The following USP15 variants were observed in gnomAD, a reference collection of about 807,000 sequenced individuals.
USP15 encodes ubiquitin specific peptidase 15, also known as ubiquitin carboxyl-terminal hydrolase 15.
Under a neutral mutation model 127.1 loss-of-function variants are expected in USP15, and 18 were observed. That is an observed-to-expected ratio of 0.14 (90% confidence interval 0.10 to 0.21). The LOEUF is 0.21. USP15 is among the 10% of genes least tolerant of loss of function. USP15 has a pLI of 1.00. For synonymous variants in USP15, 364 were observed against 393.7 expected (o/e 0.92, Z 0.89); for missense variants, 805 against 1,159.9 (o/e 0.69, Z 4.44).
chr12:62,394,136 T>C (rs1162996773), intron 19 of USP15, among the ~76,000 whole-genome samples: 1 of 152,216 alleles, frequency 6.6e-6, no homozygotes, highest in African/African-American at 2.4e-5. Flanking sequence ...CTTCCCCTGC[T>C]TTTAACAGTT....
intron 6 of USP15, among the ~76,000 whole-genome samples, chr12:62,333,825 A>G (rs540588171): frequency 1.3e-5 from 2 of 152,294 alleles, no homozygotes; most frequent in East Asian, 1.9e-4. Context: ...ATAAGCATAT[A>G]TAAATTATCT....
rs144304326 is a variant in USP15, at chr12:62,262,523, G to A, written c.89+2020G>A. On this transcript the variant is annotated intron_variant, in intron 1 of 21. Transcript: ENST00000280377. The stretch of plus-strand genomic sequence containing the variant: ...TTAATGTCACGTTTTTGTATATAGA[G>A]TAATTGGTAGCATTGACACTACAGG... 3.1e-3 allele frequency among the ~76,000 whole-genome samples: 473 copies of A among 152,290 alleles called. 1 individual carries two copies. Among genetic ancestry groups the A allele is most frequent in the African/African-American group, 9.9e-3 (411 of 41,552 alleles).
chr12:62,311,522 T>C (rs1336737170), intron 3 of USP15, among the ~76,000 whole-genome samples: 1 of 151,446 alleles, frequency 6.6e-6, no homozygotes, highest in Non-Finnish European at 1.5e-5. Flanking sequence ...TGAATGGGGG[T>C]TGTTGTGTTC....
intron 6 of USP15, among the ~76,000 whole-genome samples, chr12:62,330,304 T>G (rs182362093): frequency 4.7e-5 from 7 of 148,080 alleles, no homozygotes; most frequent in African/African-American, 1.7e-4. Flanking sequence ...AAAAAACAAA[T>G]GGGGCTGGGC....
In USP15 at chr12:62,304,943, AATT is replaced by A. The variant is rs1209300005; in HGVS notation, c.348+2028_348+2030del. The A allele has an allele frequency of 3.0e-5, 7 of 232,872 alleles. No individual in the cohort carries two copies. The South Asian group carries it at 3.7e-4, about 12-fold the overall frequency. The allele number at this position is 232,872 out of a possible 1,614,324, so 14.4% of individuals were successfully genotyped here. A position where few individuals can be genotyped will look rare whatever the true frequency, so the allele number is the denominator to read the frequency against. On this transcript the variant is annotated intron_variant, in intron 3 of 21. Transcript: ENST00000280377. ...TTATGGATTTAATGTTTGGGAATAA[AATT>A]ATTAGACCAAACAGAACTGAAGAGA... is the stretch of plus-strand genomic sequence containing the variant.
In USP15 at chr12:62,409,026, TATAG is replaced by T. The variant is rs2067968817; in HGVS notation, c.*4654_*4657del. On this transcript the variant is annotated 3_prime_UTR_variant, in exon 22 of 22. Transcript: ENST00000280377. ...AAATATCAGAATTAGGAAAATAAAA[TATAG>T]ATGGTAAAAATTCAAATATTTATCA... The T allele has an allele frequency of 6.6e-6, 1 of 152,092 alleles. No individual in the cohort carries two copies. 9.4% of individuals were successfully genotyped at this position (152,092 alleles called of 1,614,324 possible).
chr12:62,362,530 A>G (rs1022136361), intron 8 of USP15, among the ~76,000 whole-genome samples: 2 of 152,240 alleles, frequency 1.3e-5, no homozygotes, highest in South Asian at 4.1e-4. Context: ...GATATTTTTC[A>G]TCCTTCAATG....
chr12:62,267,174 A>G (rs554562163), intron 1 of USP15: 14 of 151,950 alleles, frequency 9.2e-5, no homozygotes, highest in Non-Finnish European at 8.8e-5. Flanking sequence ...CTCACTTACC[A>G]CTGTAATTCA....
chr12:62,273,094 T>A (rs1326412171), intron 1 of USP15, among the ~76,000 whole-genome samples: 1 of 152,014 alleles, frequency 6.6e-6, no homozygotes, highest in Non-Finnish European at 1.5e-5. Flanking sequence ...TGTCATAAAC[T>A]CCAACTTTAT....
intron 7 of USP15, 63 bp from the exon 8 acceptor site, chr12:62,355,268 A>C: frequency 1.5e-6 from 2 of 1,375,020 alleles, no homozygotes; most frequent in Non-Finnish European, 2.0e-6. Context: ...GGCCTAAAGT[A>C]CTCTTTATTA....
intron 7 of USP15, among the ~76,000 whole-genome samples, chr12:62,351,765 T>C (rs2065973178): frequency 6.6e-6 from 1 of 152,068 alleles, no homozygotes. Flanking sequence ...GGAATTTTAA[T>C]AGCGAATAGT....
intron 5 of USP15, among the ~76,000 whole-genome samples, chr12:62,323,912 G>A (rs1040754856): frequency 1.3e-5 from 2 of 151,630 alleles, no homozygotes; most frequent in Non-Finnish European, 2.9e-5. Context: ...TTAAAAACAG[G>A]AATGTTTCAA....
At chr12:62,301,599 A>G (rs985958362) in intron 2 of USP15, among the ~76,000 whole-genome samples, 1 of 152,190 alleles carries the variant, frequency 6.6e-6, no homozygotes, top group Non-Finnish European at 1.5e-5. Context: ...AGGACATACT[A>G]TTTTTATGTA....
intron 1 of USP15, among the ~76,000 whole-genome samples, chr12:62,290,826 A>T (rs1157902436): frequency 6.6e-6 from 1 of 151,970 alleles, no homozygotes; most frequent in East Asian, 1.9e-4. Flanking sequence ...TCCCTCAATG[A>T]TTGTTTTTCT....
intron 14 of USP15, among the ~76,000 whole-genome samples, chr12:62,390,476 A>T (rs929356341): frequency 1.5e-4 from 23 of 152,072 alleles, no homozygotes; most frequent in African/African-American, 4.6e-4. Context: ...GATCCCTTTT[A>T]TCCTTGAAAG....
At chr12:62,285,570 CT>C (rs1441666420) in intron 1 of USP15, among the ~76,000 whole-genome samples, 1 of 152,008 alleles carries the variant, frequency 6.6e-6, no homozygotes, top group African/African-American at 2.4e-5. Context: ...ATGGCCTCCA[CT>C]TCCATCCATG....
At chr12:62,369,210 A>G (rs1398501712) in intron 8 of USP15, among the ~76,000 whole-genome samples, 1 of 152,242 alleles carries the variant, frequency 6.6e-6, no homozygotes, top group African/African-American at 2.4e-5. Flanking sequence ...GTGAGGCTGT[A>G]TCAGGAGGGT....
chr12:62,327,046 C>G (rs2137306002), intron 6 of USP15, among the ~76,000 whole-genome samples: 1 of 152,306 alleles, frequency 6.6e-6, no homozygotes, highest in Non-Finnish European at 1.5e-5. Flanking sequence ...ATGAGAATCA[C>G]TTGAACCCAG....
chr12:62,341,348 C>A (rs2065642408), intron 6 of USP15, among the ~76,000 whole-genome samples: 2 of 152,106 alleles, frequency 1.3e-5, no homozygotes, highest in Non-Finnish European at 2.9e-5. Context: ...CAGTCTATGT[C>A]TTTTAATTGG....
Sources: gnomAD v4.1 joint callset for allele counts (sites outside exome capture counted in the v4.1 genomes callset) on GRCh38, gnomAD v4.1.1 for gene constraint, MANE v1.5 for transcripts, NCBI Gene and HGNC (gene_info 2026-07-23, HGNC 2026-07-21) for gene names.